XRCC4: variants seen among roughly 807,000 people sequenced by gnomAD.
XRCC4 encodes the protein DNA repair protein XRCC4.
XRCC4 carries 28 observed loss-of-function variants against 39.1 expected under a neutral mutation model. The observed-to-expected ratio is 0.72, with a 90% CI of 0.53 to 0.98. XRCC4 has a LOEUF of 0.98. XRCC4 is among the 50% of genes least tolerant of loss of function. The probability of loss-of-function intolerance (pLI) is 0.00; values close to 1 mark genes in which losing one functional copy is unlikely to be tolerated. For synonymous variants in XRCC4, 123 were observed against 126.4 expected, an observed-to-expected ratio of 0.97 and a Z score of 0.18; for missense variants, 350 against 376.4, an observed-to-expected ratio of 0.93 and a Z score of 0.58.
chr5:83,285,280 G>T (rs1344582522), intron 7 of XRCC4, among the ~76,000 whole-genome samples: 1 of 152,124 alleles, frequency 6.6e-6, no homozygotes, highest in Non-Finnish European at 1.5e-5. Context: ...GGTTATCTCT[G>T]GGGTATGTGG....
At chr5:83,210,304 T>C (rs560769793) in intron 6 of XRCC4, among the ~76,000 whole-genome samples, 2 of 152,260 alleles carry the variant, frequency 1.3e-5, no homozygotes, top group South Asian at 4.1e-4. Flanking sequence ...AATTAAAAGC[T>C]TGATTTAGTT....
intron 7 of XRCC4, among the ~76,000 whole-genome samples, chr5:83,263,937 TG>T (rs1278511912): frequency 2.0e-5 from 3 of 152,064 alleles, no homozygotes; most frequent in African/African-American, 7.2e-5. Flanking sequence ...ATGTCCTGAA[TG>T]GTAATGCCTA....
At chr5:83,264,420 TTTA>T (rs1406515917) in intron 7 of XRCC4, among the ~76,000 whole-genome samples, 1 of 152,142 alleles carries the variant, frequency 6.6e-6, no homozygotes, top group Non-Finnish European at 1.5e-5. Flanking sequence ...TTCCTATGTT[TTTA>T]TTATTAATGT....
intron 4 of XRCC4, among the ~76,000 whole-genome samples, chr5:83,203,102 G>A (rs1400756991): frequency 6.6e-6 from 1 of 151,992 alleles, no homozygotes; most frequent in Non-Finnish European, 1.5e-5. Flanking sequence ...TCTTGTTGTG[G>A]AGCAGTTTGT....
intron 7 of XRCC4, among the ~76,000 whole-genome samples, chr5:83,305,512 G>A (rs1019775137): frequency 1.3e-5 from 2 of 152,054 alleles, no homozygotes; most frequent in African/African-American, 4.8e-5. Flanking sequence ...TTGGGTAACT[G>A]AACTTTTATT....
At chr5:83,173,754 A>G (rs1297310638) in intron 3 of XRCC4, among the ~76,000 whole-genome samples, 1 of 152,194 alleles carries the variant, frequency 6.6e-6, no homozygotes, top group East Asian at 1.9e-4. Context: ...GTTGAGAACA[A>G]CCTAACTAGG....
At chr5:83,173,468 AG>A (rs1476273282) in intron 3 of XRCC4, among the ~76,000 whole-genome samples, 1 of 152,126 alleles carries the variant, frequency 6.6e-6, no homozygotes, top group Non-Finnish European at 1.5e-5. Flanking sequence ...GTGTTGCTTT[AG>A]GAAGTTGCTT....
At chr5:83,358,176 C>G (rs955621240), downstream of XRCC4, among the ~76,000 whole-genome samples, 7 of 152,108 alleles carry the variant, frequency 4.6e-5, no homozygotes, top group African/African-American at 1.7e-4. Flanking sequence ...GTGGTTTTCT[C>G]CGTATCTTGA....
intron 1 of XRCC4, among the ~76,000 whole-genome samples, chr5:83,084,320 G>A (rs6868416): frequency 6.6e-6 from 1 of 151,992 alleles, no homozygotes; most frequent in African/African-American, 2.4e-5. Flanking sequence ...TTGTTATTGC[G>A]GAAGCTGCCA....
chr5:83,197,636 G>C (rs1580358467), intron 4 of XRCC4, among the ~76,000 whole-genome samples: 1 of 152,150 alleles, frequency 6.6e-6, no homozygotes, highest in African/African-American at 2.4e-5. Flanking sequence ...GCTCACAGAT[G>C]CTTGATTTGC....
intron 7 of XRCC4, among the ~76,000 whole-genome samples, chr5:83,323,151 GGGAA>G (rs1756133395): frequency 6.6e-6 from 1 of 151,988 alleles, no homozygotes; most frequent in South Asian, 2.1e-4. Context: ...TTTCCAAGCA[GGGAA>G]GGGAGTACAA....
intron 7 of XRCC4, among the ~76,000 whole-genome samples, chr5:83,263,236 G>T (rs1394837925): frequency 3.3e-5 from 5 of 151,680 alleles, no homozygotes; most frequent in African/African-American, 1.2e-4. Context: ...TCTTAATCCA[G>T]ACTATCATTG....
At chr5:83,329,336 G>A in intron 7 of XRCC4, among the ~76,000 whole-genome samples, 1 of 151,946 alleles carries the variant, frequency 6.6e-6, no homozygotes, top group Non-Finnish European at 1.5e-5. Flanking sequence ...ACATTATAAA[G>A]AAAATGACAA....
At chr5:83,166,152 G>A (rs992009283) in intron 3 of XRCC4, among the ~76,000 whole-genome samples, 2 of 152,174 alleles carry the variant, frequency 1.3e-5, no homozygotes, top group Admixed American at 1.3e-4. Flanking sequence ...CTCCCAAAGT[G>A]CTGGGATTAC....
At chr5:83,358,947 A>G in the XRCC4 span, among the ~76,000 whole-genome samples, 2 of 152,210 alleles carry the variant, frequency 1.3e-5, no homozygotes, top group African/African-American at 4.8e-5. Context: ...TGTTGATGAC[A>G]TATGCTTCAT....
At chr5:83,107,668 A>G (rs976391242) in intron 2 of XRCC4, among the ~76,000 whole-genome samples, 30 of 151,826 alleles carry the variant, frequency 2.0e-4, no homozygotes, top group African/African-American at 4.3e-4. Context: ...AAGAATTCCT[A>G]TTGGCAGTAG....
chr5:83,264,750 A>G (rs1047619939), intron 7 of XRCC4, among the ~76,000 whole-genome samples: 7 of 152,072 alleles, frequency 4.6e-5, no homozygotes, highest in Admixed American at 1.3e-4. Flanking sequence ...TCTTCCATTT[A>G]GCAATCAATA....
chr5:83,246,310 A>G (rs1561429608), intron 6 of XRCC4, among the ~76,000 whole-genome samples: 1 of 152,240 alleles, frequency 6.6e-6, no homozygotes, highest in East Asian at 1.9e-4. Context: ...ACTCCTTTGT[A>G]CAAGACTAGA....
chr5:83,280,233 A>T (rs1449991268), intron 7 of XRCC4: 1 of 328,866 alleles, frequency 3.0e-6, no homozygotes, highest in African/African-American at 2.2e-5. Flanking sequence ...GCCCCAACAC[A>T]GGTGGAAACC....
Sources: gnomAD v4.1 joint callset for allele counts (sites outside exome capture counted in the v4.1 genomes callset) on GRCh38, gnomAD v4.1.1 for gene constraint, MANE v1.5 for transcripts, NCBI Gene and HGNC (gene_info 2026-07-23, HGNC 2026-07-21) for gene names.